Variants in CTNND1 observed in about 807,000 individuals in gnomAD.
CTNND1 encodes catenin delta-1.
Under a neutral mutation model 112.1 loss-of-function variants are expected in CTNND1, and 16 were observed. The ratio of observed to expected loss-of-function variants is 0.14; its 90% CI spans 0.10 to 0.22. CTNND1 has a LOEUF of 0.22. Among genes scored for constraint, CTNND1 ranks in the 10% least tolerant of loss-of-function variants. The pLI is 1.00. For missense variants in CTNND1, 1,008 were observed against 1,257.0 expected (o/e 0.80, Z 3.00); for synonymous variants, 420 against 446.5 (o/e 0.94, Z 0.75).
At chr11:57,764,289 G>T (rs1304230790) in intron 1 of CTNND1, among the ~76,000 whole-genome samples, 2 of 152,102 alleles carry the variant, frequency 1.3e-5, no homozygotes, top group Admixed American at 1.3e-4. Flanking sequence ...CTTTCTCAGG[G>T]TTCCAGCATG....
chr11:57,771,631 A>G (rs1234067977), intron 1 of CTNND1, among the ~76,000 whole-genome samples: 20 of 152,196 alleles, frequency 1.3e-4, no homozygotes, highest in Non-Finnish European at 2.9e-4. Context: ...TTTTGGGGGA[A>G]GGGGAATAAT....
intron 2 of CTNND1, among the ~76,000 whole-genome samples, chr11:57,790,407 G>A (rs2060575298): frequency 6.9e-6 from 1 of 145,664 alleles, no homozygotes; most frequent in Non-Finnish European, 1.5e-5. Flanking sequence ...TTTTTGAGAC[G>A]GAGTCTTGCA....
chr11:57,805,242 TTTTGTTTG>T (rs762882935), intron 9 of CTNND1, among the ~76,000 whole-genome samples: 55 of 151,358 alleles, frequency 3.6e-4, no homozygotes, highest in Non-Finnish European at 1.5e-4. Context: ...AAAACATGTT[TTTTGTTTG>T]TTTGTTTGTT....
rs988781333 is a variant in CTNND1 at position 57,804,853 on chromosome 11, G to A, written c.1722+73G>A. On this transcript the variant is annotated intron_variant, in intron 9 of 20. Transcript: ENST00000399050. ...AACTATGAAGTATCTGTAGGTCAGA[G>A]ACCTATCATCTCAGGCTTTCAAGTA... is the stretch of plus-strand genomic sequence containing the variant. The A allele has an allele frequency of 4.2e-5, 45 of 1,079,524 alleles. No homozygotes were observed. In the African/African-American group the frequency reaches 6.6e-4, roughly 16 times the overall value. The allele number at this position is 1,079,524 out of a possible 1,614,324, so 66.9% of individuals were successfully genotyped here. A position where few individuals can be genotyped will look rare whatever the true frequency, so the allele number is the denominator to read the frequency against.
At position 57,806,490 on chromosome 11, in the gene CTNND1, C is replaced by T. The variant is rs1365370447; in HGVS notation, c.1894+12C>T. The T allele has an allele frequency of 6.3e-7, 1 of 1,597,732 alleles. No homozygotes were observed. The highest frequency in any genetic ancestry group is 1.7e-5 in the Admixed American group (1 of 57,580). ...GTGGTTCTCCAGAGGTGAGTGGAGT[C>T]TTTTAAGGTGCTTATCTACTTCTAA... is the stretch of plus-strand genomic sequence containing the variant. On this transcript the variant is annotated intron_variant, in intron 11 of 20. Coordinates refer to ENST00000399050, the MANE Select transcript of CTNND1 (RefSeq NM_001085458.2).
intron 18 of CTNND1, 101 bp downstream of exon 18, chr11:57,814,474 C>T: frequency 7.4e-6 from 6 of 807,670 alleles, no homozygotes; most frequent in Non-Finnish European, 8.1e-6. Context: ...TTACCATTTA[C>T]CATCCTGGGA....
rs2064118699 is a variant in CTNND1, at chr11:57,819,089, T to C, written c.*2781T>C. On this transcript the variant is annotated 3_prime_UTR_variant, in exon 21 of 21. Transcript: ENST00000399050. ...TACTTATTTTTCTGAGGTCCTTATG[T>C]CCTGTCATATAATTAAAGACTCAAG... 6.6e-6 allele frequency: 1 copy of C among 152,130 alleles called. No individual in the cohort carries two copies. The highest frequency in any genetic ancestry group is 2.1e-4 in the South Asian group (1 of 4,830). The allele number at this position is 152,130 out of a possible 1,614,324, so 9.4% of individuals were successfully genotyped here.
intron 16 of CTNND1, 122 bp downstream of exon 16, chr11:57,810,345 C>A: frequency 1.6e-6 from 1 of 638,788 alleles, no homozygotes; most frequent in South Asian, 2.3e-5. Context: ...TTTTCTTTTT[C>A]GGAGACAGAG....
intron 5 of CTNND1, among the ~76,000 whole-genome samples, 158 bp from the exon 6 acceptor site, chr11:57,796,299 T>C (rs1374632825): frequency 3.3e-5 from 5 of 151,782 alleles, no homozygotes; most frequent in African/African-American, 1.2e-4. Flanking sequence ...GGCAGGAGAA[T>C]TGCGTGAACC....
At chr11:57,765,974 C>T (rs1405361728) in intron 1 of CTNND1, among the ~76,000 whole-genome samples, 3 of 152,020 alleles carry the variant, frequency 2.0e-5, no homozygotes, top group Admixed American at 6.6e-5. Context: ...GTGAAGACTC[C>T]TCTTTACAAA....
chr11:57,816,380 T>G lies in CTNND1; in HGVS notation c.*72T>G, dbSNP rs2063997034. Reference sequence around the variant, plus strand: ...TGGTGGTGAAATTGACTGATGATTTTCCTTTTTCTTCGCTGGACTATTGTG... The same window carrying G: ...TGGTGGTGAAATTGACTGATGATTTGCCTTTTTCTTCGCTGGACTATTGTG... On this transcript the variant is annotated 3_prime_UTR_variant, in exon 21 of 21. Coordinates refer to ENST00000399050, the MANE Select transcript of CTNND1 (RefSeq NM_001085458.2). 1 of 1,592,790 alleles carries G rather than the reference T, an allele frequency of 6.3e-7. No homozygotes were observed. The highest frequency in any genetic ancestry group is 1.1e-5 in the South Asian group (1 of 90,534).
At chr11:57,787,547 G>A (rs1489147834) in intron 1 of CTNND1, among the ~76,000 whole-genome samples, 6 of 152,152 alleles carry the variant, frequency 3.9e-5, no homozygotes, top group Non-Finnish European at 7.3e-5. Context: ...CTAACTCCTG[G>A]GAAGCAGCAA....
At chr11:57,810,934 G>A (rs960051955) in intron 16 of CTNND1, among the ~76,000 whole-genome samples, 1 of 151,212 alleles carries the variant, frequency 6.6e-6, no homozygotes, top group Non-Finnish European at 1.5e-5. Flanking sequence ...TCCAGCCTGG[G>A]CAACATAGCT....
chr11:57,802,310 T>C (rs2062085269), intron 7 of CTNND1, 114 bp downstream of exon 7: 5 of 930,214 alleles, frequency 5.4e-6, no homozygotes, highest in Non-Finnish European at 8.1e-6. Context: ...AACTGGTGGC[T>C]GTGGGTCAAA....
intron 15 of CTNND1, among the ~76,000 whole-genome samples, chr11:57,809,710 C>T (rs1246510273): frequency 6.6e-6 from 1 of 152,080 alleles, no homozygotes; most frequent in African/African-American, 2.4e-5. Flanking sequence ...CCCATTTTGG[C>T]ATTTATATTC....
At chr11:57,765,581 C>T (rs1237108434) in intron 1 of CTNND1, among the ~76,000 whole-genome samples, 1 of 151,214 alleles carries the variant, frequency 6.6e-6, no homozygotes, top group African/African-American at 2.4e-5. Context: ...GTGCTCCCAC[C>T]TCAGTCTTCT....
chr11:57,816,185 G>C (rs1334120668), intron 20 of CTNND1, 112 bp from the exon 21 acceptor site: 3 of 1,380,196 alleles, frequency 2.2e-6, no homozygotes, highest in African/African-American at 2.9e-5. Flanking sequence ...CTGGTGATCT[G>C]ATTCTCCGTT....
intron 6 of CTNND1, 28 bp downstream of exon 6, chr11:57,797,020 G>T: frequency 2.1e-6 from 3 of 1,429,748 alleles, no homozygotes; most frequent in Middle Eastern, 2.2e-4. Flanking sequence ...AAGAGAAAAG[G>T]GTCTTTCCAA....
intron 10 of CTNND1, 146 bp downstream of exon 10, chr11:57,806,181 G>T: frequency 8.6e-7 from 1 of 1,162,388 alleles, no homozygotes. Context: ...TCCCTGTGTT[G>T]TGTGCTTCAT....
Sources: gnomAD v4.1 joint callset for allele counts (sites outside exome capture counted in the v4.1 genomes callset) on GRCh38, gnomAD v4.1.1 for gene constraint, MANE v1.5 for transcripts, NCBI Gene and HGNC (gene_info 2026-07-23, HGNC 2026-07-21) for gene names.